CACNA2D3: variants seen among roughly 807,000 people sequenced by gnomAD.
The protein encoded by CACNA2D3 is voltage-dependent calcium channel subunit alpha-2/delta-3.
CACNA2D3 carries 60 observed loss-of-function variants against 160.6 expected under a neutral mutation model. The observed-to-expected ratio is 0.37, with a 90% CI of 0.30 to 0.46. The LOEUF is 0.46. Among genes scored for constraint, CACNA2D3 ranks in the 20% least tolerant of loss-of-function variants. The pLI is 1.00. For missense variants in CACNA2D3, 1,205 were observed against 1,365.0 expected, an observed-to-expected ratio of 0.88 and a Z score of 1.85; for synonymous variants, 558 against 492.9, an observed-to-expected ratio of 1.13 and a Z score of -1.75.
intron 27 of CACNA2D3, among the ~76,000 whole-genome samples, chr3:54,951,652 A>T (rs1701760684): frequency 6.6e-6 from 1 of 150,404 alleles, no homozygotes; most frequent in African/African-American, 2.5e-5. Context: ...CTCCAGTCCC[A>T]GTTCCAAGAA....
Position 55,058,628 on chromosome 3 carries a change from TG to T in CACNA2D3, c.2988-14816del, listed in dbSNP as rs569091458. On this transcript the variant is annotated intron_variant, in intron 35 of 37. Coordinates refer to ENST00000474759, the MANE Select transcript of CACNA2D3 (RefSeq NM_018398.3). ...AGTTTTAAAAATACATATATATATA[TG>T]TTTTTTTTAAATAGAAAGTTATTAT... 4.0e-3 allele frequency among the ~76,000 whole-genome samples: 616 copies of T among 152,228 alleles called. 4 individuals carry two copies. The highest frequency in any genetic ancestry group is 4.9e-3 in the Non-Finnish European group (334 of 68,026).
intron 4 of CACNA2D3, among the ~76,000 whole-genome samples, chr3:54,424,652 G>A (rs1288660822): frequency 6.6e-6 from 1 of 152,122 alleles, no homozygotes; most frequent in Non-Finnish European, 1.5e-5. Flanking sequence ...CTGTACTCTG[G>A]GGATGGAGCA....
Position 55,054,401 on chromosome 3 carries a change from A to G in CACNA2D3, c.2988-19044A>G, listed in dbSNP as rs181861993. 3.8e-3 allele frequency among the ~76,000 whole-genome samples: 579 copies of G among 151,914 alleles called. 3 individuals carry two copies. The highest frequency in any genetic ancestry group is 6.1e-3 in the Non-Finnish European group (412 of 67,816). ...ACCTGACTTCAGGTATACTGATCCT[A>G]TCTTCTGTTGCATTCAGTCTGCCTT... On this transcript the variant is annotated intron_variant, in intron 35 of 37. Transcript: ENST00000474759.
chr3:54,464,520 A>G (rs1001831083), intron 4 of CACNA2D3, among the ~76,000 whole-genome samples: 2 of 152,160 alleles, frequency 1.3e-5, no homozygotes, highest in African/African-American at 4.8e-5. Context: ...TTGCAGTTTG[A>G]TCTCAGAGTG....
chr3:54,308,664 T>C (rs758434312), intron 2 of CACNA2D3, among the ~76,000 whole-genome samples: 9 of 152,220 alleles, frequency 5.9e-5, no homozygotes, highest in Non-Finnish European at 1.0e-4. Flanking sequence ...ATAAACTCCT[T>C]GGTAGCAGTG....
chr3:54,920,180 T>TCACATTATTAGC (rs1345968536), intron 27 of CACNA2D3, among the ~76,000 whole-genome samples: 1 of 152,222 alleles, frequency 6.6e-6, no homozygotes, highest in African/African-American at 2.4e-5. Context: ...GGGCATCACT[T>TCACATTATTAGC]CAACATTATT....
intron 11 of CACNA2D3, among the ~76,000 whole-genome samples, chr3:54,643,360 GT>G (rs1300323412): frequency 6.6e-6 from 1 of 152,162 alleles, no homozygotes; most frequent in Non-Finnish European, 1.5e-5. Context: ...ACCTCACCAA[GT>G]GTGAGCCTGG....
At chr3:54,524,055 T>G (rs1701688083) in intron 5 of CACNA2D3, among the ~76,000 whole-genome samples, 1 of 152,074 alleles carries the variant, frequency 6.6e-6, no homozygotes, top group Admixed American at 6.5e-5. Context: ...AGCTTTACTT[T>G]GTTGTTCTTT....
At chr3:54,764,635 C>G (rs1387686726) in intron 13 of CACNA2D3, among the ~76,000 whole-genome samples, 1 of 152,174 alleles carries the variant, frequency 6.6e-6, no homozygotes, top group Non-Finnish European at 1.5e-5. Context: ...CACATGTGTT[C>G]AAATTCTGTC....
intron 35 of CACNA2D3, among the ~76,000 whole-genome samples, chr3:55,056,538 AG>A (rs1704365772): frequency 6.6e-6 from 1 of 152,234 alleles, no homozygotes; most frequent in Non-Finnish European, 1.5e-5. Flanking sequence ...ATAATAGCTA[AG>A]TTATGGAATC....
intron 5 of CACNA2D3, among the ~76,000 whole-genome samples, chr3:54,553,335 C>T (rs948061885): frequency 2.6e-5 from 4 of 152,204 alleles, no homozygotes; most frequent in Non-Finnish European, 1.5e-5. Flanking sequence ...AAATGGGAGA[C>T]ATGAAAACTA....
chr3:54,271,521 G>T (rs1702621529), intron 2 of CACNA2D3, among the ~76,000 whole-genome samples: 2 of 152,222 alleles, frequency 1.3e-5, no homozygotes, highest in Non-Finnish European at 2.9e-5. Flanking sequence ...CTATAGAAGA[G>T]CCAGTTGGCC....
intron 35 of CACNA2D3, among the ~76,000 whole-genome samples, chr3:55,055,602 A>T (rs893584407): frequency 6.6e-6 from 1 of 152,068 alleles, no homozygotes; most frequent in East Asian, 1.9e-4. Context: ...TGGAATTTTG[A>T]TAGAGATTGC....
chr3:54,412,299 A>G (rs913936137), intron 4 of CACNA2D3, among the ~76,000 whole-genome samples: 1 of 151,960 alleles, frequency 6.6e-6, no homozygotes, highest in African/African-American at 2.4e-5. Context: ...AATGTTTTCT[A>G]ATTTTCCTTG....
chr3:54,500,503 A>ATCTTCCTTCCTTCCTG (rs1701271766), intron 4 of CACNA2D3, among the ~76,000 whole-genome samples: 1 of 86,180 alleles, frequency 1.2e-5, no homozygotes, highest in Admixed American at 1.2e-4. Context: ...CTTCCTTCCT[A>ATCTTCCTTCCTTCCTG]TCTTCCTTCC....
chr3:54,234,862 G>A (rs752649855), intron 2 of CACNA2D3, among the ~76,000 whole-genome samples: 29 of 152,260 alleles, frequency 1.9e-4, no homozygotes, highest in Admixed American at 1.2e-3. Flanking sequence ...CTACTTGAGT[G>A]GGGAGGGTGA....
At chr3:54,911,323 T>TCTCCTCCTCCCCCTC in intron 27 of CACNA2D3, among the ~76,000 whole-genome samples, 1 of 135,770 alleles carries the variant, frequency 7.4e-6, no homozygotes, top group Non-Finnish European at 1.6e-5. Context: ...CCTCCCCGCT[T>TCTCCTCCTCCCCCTC]CTCCTCCTCC....
At chr3:55,060,517 G>T (rs1704481166) in intron 35 of CACNA2D3, among the ~76,000 whole-genome samples, 1 of 152,136 alleles carries the variant, frequency 6.6e-6, no homozygotes, top group Admixed American at 6.5e-5. Flanking sequence ...TAATGCTTGA[G>T]TGTCTTCATC....
intron 17 of CACNA2D3, among the ~76,000 whole-genome samples, chr3:54,856,951 T>C (rs1204996187): frequency 1.3e-5 from 2 of 152,186 alleles, no homozygotes; most frequent in African/African-American, 4.8e-5. Context: ...CTGATGACTT[T>C]TTGTGTTTTA....
Sources: allele counts gnomAD v4.1 joint callset (sites outside exome capture counted in the v4.1 genomes callset), GRCh38; gene constraint gnomAD v4.1.1; transcripts MANE v1.5; gene names NCBI Gene and HGNC (gene_info 2026-07-23, HGNC 2026-07-21).